Variants in LARGE1 observed in about 807,000 individuals in gnomAD.
LARGE1 encodes the protein LARGE xylosyl- and glucuronyltransferase 1.
Under a neutral mutation model 87.6 loss-of-function variants are expected in LARGE1, and 43 were observed. That is an observed-to-expected ratio of 0.49 (90% CI 0.38 to 0.63). The LOEUF (loss-of-function observed/expected upper bound fraction) is 0.63, where lower values mean the gene tolerates loss of function less well. LARGE1 is among the 30% of genes least tolerant of loss of function. The pLI is 0.00. For synonymous variants in LARGE1, 434 were observed against 394.6 expected, an observed-to-expected ratio of 1.10 and a Z score of -1.18; for missense variants, 802 against 1,000.2, an observed-to-expected ratio of 0.80 and a Z score of 2.67.
chr22:33,826,853 A>G (rs574875858), intron 1 of LARGE1, among the ~76,000 whole-genome samples: 4 of 149,018 alleles, frequency 2.7e-5, no homozygotes, highest in Non-Finnish European at 5.9e-5. Flanking sequence ...AAAAAACAAT[A>G]AAAAAAAATT....
intron 1 of LARGE1, among the ~76,000 whole-genome samples, chr22:33,815,649 C>T (rs2086627465): frequency 1.3e-5 from 2 of 152,160 alleles, no homozygotes; most frequent in Admixed American, 1.3e-4. Context: ...AGCCCAGGGA[C>T]TCACACACCT....
At chr22:33,766,889 G>T (rs2084916872) in intron 1 of LARGE1, among the ~76,000 whole-genome samples, 1 of 134,490 alleles carries the variant, frequency 7.4e-6, no homozygotes, top group African/African-American at 2.9e-5. Context: ...TTTTGGTATA[G>T]AATATGACTA....
intron 6 of LARGE1, among the ~76,000 whole-genome samples, chr22:33,457,294 T>TC (rs2068174664): frequency 4.0e-5 from 2 of 50,464 alleles, no homozygotes; most frequent in South Asian, 1.7e-3. Flanking sequence ...CGCCTGGCTC[T>TC]TTTTTTTTTT....
At position 33,690,338 on chromosome 22, in the gene LARGE1, G is replaced by A. The variant is rs2082060979; in HGVS notation, c.107-39670C>T. 3.9e-5 allele frequency among the ~76,000 whole-genome samples: 6 copies of A among 152,298 alleles called. No individual in the cohort carries two copies. In the South Asian group the frequency reaches 1.2e-3, roughly 32 times the overall value. ...GAAGATAATGGCCCCCATCTCATGG[G>A]CTGTCCTCAGGACTAACTAAGTATA... On this transcript the variant is annotated intron_variant, in intron 2 of 14. Transcript: ENST00000397394.
At chr22:33,442,559 C>A (rs1334316548) in intron 6 of LARGE1, among the ~76,000 whole-genome samples, 1 of 152,162 alleles carries the variant, frequency 6.6e-6, no homozygotes, top group Non-Finnish European at 1.5e-5. Context: ...CTGTACTGCG[C>A]AGAAGACTAG....
At chr22:33,303,893 G>T (rs908985781) in intron 12 of LARGE1, among the ~76,000 whole-genome samples, 1 of 152,110 alleles carries the variant, frequency 6.6e-6, no homozygotes, top group Non-Finnish European at 1.5e-5. Flanking sequence ...AAAGTGCTAG[G>T]ATTACAGGCG....
rs578190187 is a variant in LARGE1 at position 33,885,989 on chromosome 22, C to T, written c.-83+34006G>A. 3.3e-5 allele frequency among the ~76,000 whole-genome samples: 5 copies of T among 151,960 alleles called. No individual in the cohort carries two copies. In the East Asian group the frequency reaches 5.8e-4, roughly 18 times the overall value. On this transcript the variant is annotated intron_variant, in intron 1 of 14. Coordinates refer to ENST00000397394, the MANE Select transcript of LARGE1 (RefSeq NM_133642.5). ...AGATTGCAGTGAGCCGAGATCATGC[C>T]GTGGCACTGCAGCCTGGGTGACAGA... is the stretch of plus-strand genomic sequence containing the variant.
chr22:33,508,609 A>C (rs183538545), intron 6 of LARGE1, among the ~76,000 whole-genome samples: 4 of 152,252 alleles, frequency 2.6e-5, no homozygotes, highest in Admixed American at 6.5e-5. Flanking sequence ...CTTATAAATC[A>C]CTTTTTGCTT....
At chr22:33,792,380 G>A (rs2085851676) in intron 1 of LARGE1, among the ~76,000 whole-genome samples, 1 of 152,200 alleles carries the variant, frequency 6.6e-6, no homozygotes. Flanking sequence ...GCCATGTGAA[G>A]AAGGATGTGC....
chr22:33,195,738 ATTTCTTT>A (rs1392165241), intron 11 of LARGE1, among the ~76,000 whole-genome samples: 37 of 90,626 alleles, frequency 4.1e-4, no homozygotes, highest in South Asian at 3.1e-3. Context: ...CCTAAAATTA[ATTTCTTT>A]TTTCTTTTTT....
intron 11 of LARGE1, among the ~76,000 whole-genome samples, chr22:33,188,822 C>T (rs1923623291): frequency 6.6e-6 from 1 of 152,138 alleles, no homozygotes; most frequent in Admixed American, 6.5e-5. Context: ...GGGGATCTGC[C>T]TGCTTTGAGT....
At chr22:33,433,711 C>G (rs181180029) in intron 6 of LARGE1, among the ~76,000 whole-genome samples, 1 of 151,614 alleles carries the variant, frequency 6.6e-6, no homozygotes, top group East Asian at 1.9e-4. Context: ...TACAGCTAAC[C>G]AATACCTTTT....
chr22:33,362,334 C>A (rs1451748339), intron 9 of LARGE1, among the ~76,000 whole-genome samples: 2 of 149,724 alleles, frequency 1.3e-5, no homozygotes, highest in African/African-American at 4.9e-5. Flanking sequence ...AATAATGTAA[C>A]TGAACCTGGG....
chr22:33,387,528 G>T (rs1224643371), intron 7 of LARGE1, among the ~76,000 whole-genome samples: 1 of 145,112 alleles, frequency 6.9e-6, no homozygotes, highest in Admixed American at 6.7e-5. Flanking sequence ...TAAAAAATGG[G>T]GGGGGGGATG....
At chr22:33,723,680 G>A (rs929687079) in intron 2 of LARGE1, among the ~76,000 whole-genome samples, 4 of 152,160 alleles carry the variant, frequency 2.6e-5, no homozygotes, top group Non-Finnish European at 5.9e-5. Flanking sequence ...AAAAACTCCT[G>A]TATTTCAGGA....
At chr22:33,618,963 T>G (rs1272099147) in intron 4 of LARGE1, among the ~76,000 whole-genome samples, 1 of 152,212 alleles carries the variant, frequency 6.6e-6, no homozygotes. Flanking sequence ...CACAAACTAA[T>G]CAGCATGCAC....
intron 1 of LARGE1, among the ~76,000 whole-genome samples, chr22:33,811,603 G>A (rs1486202695): frequency 1.3e-5 from 2 of 152,218 alleles, no homozygotes; most frequent in African/African-American, 4.8e-5. Context: ...TATTTAGGAA[G>A]TGGTAAAATC....
At chr22:33,738,599 C>A (rs1445721559) in intron 2 of LARGE1, among the ~76,000 whole-genome samples, 1 of 152,174 alleles carries the variant, frequency 6.6e-6, no homozygotes, top group Non-Finnish European at 1.5e-5. Flanking sequence ...GTGGCTCACG[C>A]CTGTAATCCC....
chr22:33,409,990 G>T (rs1039375769), intron 7 of LARGE1, among the ~76,000 whole-genome samples: 3 of 152,074 alleles, frequency 2.0e-5, no homozygotes, highest in Non-Finnish European at 2.9e-5. Flanking sequence ...AGCAGGTACA[G>T]AGTGGCTACA....
Sources: gnomAD v4.1 joint callset for allele counts (sites outside exome capture counted in the v4.1 genomes callset) on GRCh38, gnomAD v4.1.1 for gene constraint, MANE v1.5 for transcripts, NCBI Gene and HGNC (gene_info 2026-07-23, HGNC 2026-07-21) for gene names.